Variants in TEX2 observed in about 807,000 individuals in gnomAD.
TEX2 encodes testis expressed 2.
TEX2 carries 53 observed loss-of-function variants against 106.9 expected under a neutral mutation model. The ratio of observed to expected loss-of-function variants is 0.50; its 90% CI spans 0.40 to 0.62. The LOEUF (loss-of-function observed/expected upper bound fraction) is 0.62. Ranked by LOEUF, TEX2 falls within the 20% of genes least tolerant of loss-of-function variation. TEX2 has a pLI of 0.00. For missense variants in TEX2, 1,207 were observed against 1,379.0 expected (o/e 0.88, Z 1.98); for synonymous variants, 523 against 534.8 (o/e 0.98, Z 0.30).
At position 64,154,891 on chromosome 17, in the gene TEX2, C is replaced by T; in HGVS notation, c.2881G>A (p.Ala961Thr). 6.2e-7 allele frequency: 1 copy of T among 1,609,508 alleles called. No homozygotes were observed. Among genetic ancestry groups the T allele is most frequent in the Non-Finnish European group, 8.5e-7 (1 of 1,178,518 alleles). The change falls in exon 9 of 12, where the codon GCC becomes ACC. Residue 961 changes from alanine (A) to threonine (T), a missense_variant. Physicochemically the swap from Ala to Thr is moderately conservative, Grantham distance 58. This residue lies in a region of TEX2 where 1,067 missense variants were observed against 1,193.6 expected (regional missense o/e 0.89). Transcript: ENST00000584379. ...SSAGSSEEDD[A>T]PEPSGGDKQL... The stretch of plus-strand genomic sequence containing the variant: ...TTGTCTCCCCCGCTGGGCTCTGGGG[C>T]ATCGTCTTCCTCGGAGGAGCCAGCG...
At chr17:64,214,873 TAGGCAGCCATGAAGACATG>T (rs1555632433) in intron 1 of TEX2, among the ~76,000 whole-genome samples, 1 of 152,232 alleles carries the variant, frequency 6.6e-6, no homozygotes, top group African/African-American at 2.4e-5. Context: ...CCAGAGTATT[TAGGCAGCCATGAAGACATG>T]AGGCAGCCAT....
chr17:64,219,557 A>G (rs1315546695), intron 1 of TEX2, among the ~76,000 whole-genome samples: 1 of 118,586 alleles, frequency 8.4e-6, no homozygotes, highest in Non-Finnish European at 1.9e-5. Context: ...TAAAATATCT[A>G]AAGGGAGAAT....
In TEX2 at chr17:64,148,843, G is replaced by A. The variant is rs1234215755; in HGVS notation, c.*126C>T. 8.2e-7 allele frequency: 1 copy of A among 1,217,516 alleles called. No individual in the cohort carries two copies. The highest frequency in any genetic ancestry group is 1.2e-6 in the Non-Finnish European group (1 of 868,350). The allele number at this position is 1,217,516 out of a possible 1,614,324, so 75.4% of individuals were successfully genotyped here. On this transcript the variant is annotated 3_prime_UTR_variant, in exon 12 of 12. Transcript: ENST00000584379. ...GTGGAATGGGCACTGGCAGGCAGAGGGCAGAAGCAGTCCTTTAAGAAACAG... is the reference window on the plus strand; with the variant it reads ...GTGGAATGGGCACTGGCAGGCAGAGAGCAGAAGCAGTCCTTTAAGAAACAG...
At chr17:64,220,889 G>C (rs1171571850) in intron 1 of TEX2, among the ~76,000 whole-genome samples, 1 of 152,094 alleles carries the variant, frequency 6.6e-6, no homozygotes, top group Non-Finnish European at 1.5e-5. Context: ...CTCTTATAAA[G>C]ATACATGCAC....
chr17:64,216,485 G>A (rs988182823), intron 1 of TEX2, among the ~76,000 whole-genome samples: 16 of 152,282 alleles, frequency 1.1e-4, no homozygotes, highest in African/African-American at 3.8e-4. Flanking sequence ...GAAGGTAACT[G>A]TGGGCACAAG....
rs781859721 is a variant in TEX2 at position 64,239,904 on chromosome 17, A to AAAAAAAAAAAAAAAAAAAAAAAAAAAAAG, written c.-26+23263_-26+23264insCTTTTTTTTTTTTTTTTTTTTTTTTTTTT. Among the ~76,000 whole-genome samples, 2 of 118,790 alleles carry AAAAAAAAAAAAAAAAAAAAAAAAAAAAAG rather than the reference A, an allele frequency of 1.7e-5. 1 individual carries two copies. The highest frequency in any genetic ancestry group is 1.7e-4 in the Admixed American group (2 of 11,746). 77.9% of individuals were successfully genotyped at this position (118,790 alleles called of 152,430 possible). On this transcript the variant is annotated intron_variant, in intron 1 of 11. Coordinates refer to ENST00000584379, the MANE Select transcript of TEX2 (RefSeq NM_001288732.2). ...AAAAAAAAAAAAAAAAAAAAAAAAA[A>AAAAAAAAAAAAAAAAAAAAAAAAAAAAAG]GCAGAGAAGATAAGAGAAGAGAAAT...
chr17:64,187,706 C>T (rs150437387), intron 5 of TEX2, among the ~76,000 whole-genome samples: 1 of 152,210 alleles, frequency 6.6e-6, no homozygotes, highest in African/African-American at 2.4e-5. Flanking sequence ...CTCGAATATT[C>T]CAAGCACATG....
At chr17:64,181,202 G>A (rs2031839751) in intron 5 of TEX2, among the ~76,000 whole-genome samples, 1 of 152,112 alleles carries the variant, frequency 6.6e-6, no homozygotes, top group Non-Finnish European at 1.5e-5. Context: ...ATTAGGCCGG[G>A]CGTGGTGGTT....
At position 64,195,275 on chromosome 17, in the gene TEX2, T is replaced by A. The variant is rs1001197712; in HGVS notation, c.1645-180A>T. On this transcript the variant is annotated intron_variant, in intron 2 of 11. Coordinates refer to ENST00000584379, the MANE Select transcript of TEX2 (RefSeq NM_001288732.2). The surrounding 1 kb of genome is among the most constrained non-coding windows in gnomAD (Gnocchi z 4.1). ...GCTTAGCTGGGAGGATAACTGGAAC[T>A]GAGGAGGTTTTTGATAACCAAAAAT... Among the ~76,000 whole-genome samples the A allele has an allele frequency of 1.4e-4, 22 of 152,272 alleles. No individual in the cohort carries two copies. The highest frequency in any genetic ancestry group is 5.3e-4 in the African/African-American group (22 of 41,554).
At chr17:64,237,245 C>T (rs1345300338) in intron 1 of TEX2, among the ~76,000 whole-genome samples, 1 of 151,016 alleles carries the variant, frequency 6.6e-6, no homozygotes, top group South Asian at 2.1e-4. Context: ...GAGGCAGGCG[C>T]AGAGCCTCAT....
At chr17:64,238,499 T>C (rs1193247866) in intron 1 of TEX2, among the ~76,000 whole-genome samples, 3 of 152,206 alleles carry the variant, frequency 2.0e-5, no homozygotes, top group African/African-American at 7.2e-5. Context: ...CAAGACTTGG[T>C]AATTTATAAA....
chr17:64,160,832 C>A lies in TEX2; in HGVS notation c.2773G>T (p.Ala925Ser), dbSNP rs1386302726. Residue 925 changes from alanine (A) to serine (S), a missense_variant, in exon 8 of 12, where the codon GCC (alanine) becomes TCC (serine). Physicochemically the swap from Ala to Ser is moderately conservative, Grantham distance 99. Around this residue, in one of 3 missense-constraint regions of TEX2, gnomAD observed 1,067 missense variants for 1,193.6 expected, o/e 0.89. Coordinates refer to ENST00000584379, the MANE Select transcript of TEX2 (RefSeq NM_001288732.2). ...TKLGKEPLVE[A>S]LKVGEIGKEG... The stretch of plus-strand genomic sequence containing the variant: ...TTGCCAATTTCTCCAACCTTCAGGG[C>A]TTCAACAAGAGGCTCTTTACCTAGT... The A allele has an allele frequency of 3.1e-6, 5 of 1,614,094 alleles. No homozygotes were observed. Among genetic ancestry groups the A allele is most frequent in the South Asian group, 2.2e-5 (2 of 91,082 alleles).
chr17:64,179,714 T>A (rs2031771149), intron 5 of TEX2, among the ~76,000 whole-genome samples: 1 of 151,818 alleles, frequency 6.6e-6, no homozygotes, highest in Admixed American at 6.6e-5. Context: ...TTTACAGGAG[T>A]CCTTCACATT....
At chr17:64,199,875 A>C (rs1031177985) in intron 2 of TEX2, among the ~76,000 whole-genome samples, 7 of 152,256 alleles carry the variant, frequency 4.6e-5, no homozygotes. Flanking sequence ...AACTATGAAT[A>C]GAATGGGCAA....
At chr17:64,257,746 C>T (rs894764895) in intron 1 of TEX2, among the ~76,000 whole-genome samples, 1 of 152,140 alleles carries the variant, frequency 6.6e-6, no homozygotes, top group Non-Finnish European at 1.5e-5. Context: ...ATGACGCTGG[C>T]AATTTGGATA....
intron 4 of TEX2, among the ~76,000 whole-genome samples, chr17:64,191,673 C>T (rs1026721793): frequency 6.6e-5 from 10 of 151,978 alleles, no homozygotes; most frequent in South Asian, 2.1e-4. Context: ...AAAAAATTAG[C>T]TGGGCGTGAT....
chr17:64,242,109 C>T (rs1555635834), intron 1 of TEX2, among the ~76,000 whole-genome samples: 1 of 152,188 alleles, frequency 6.6e-6, no homozygotes, highest in African/African-American at 2.4e-5. Flanking sequence ...GCACATAATA[C>T]CTAAGTAACC....
chr17:64,192,275 A>G (rs2032328137), intron 4 of TEX2, among the ~76,000 whole-genome samples: 3 of 152,268 alleles, frequency 2.0e-5, no homozygotes, highest in Admixed American at 6.5e-5. Context: ...TGTAGATGCC[A>G]TTCATTAAAA....
intron 2 of TEX2, among the ~76,000 whole-genome samples, chr17:64,196,197 G>A (rs987712228): frequency 6.6e-6 from 1 of 152,200 alleles, no homozygotes; most frequent in Admixed American, 6.5e-5. Context: ...ATCTATGTGC[G>A]AAGCAATGGG....
Sources: allele counts gnomAD v4.1 joint callset (sites outside exome capture counted in the v4.1 genomes callset), GRCh38; gene constraint gnomAD v4.1.1; regional missense constraint gnomAD v4.1.1; non-coding constraint Gnocchi (gnomAD v3.1); transcripts MANE v1.5; gene names NCBI Gene and HGNC (gene_info 2026-07-23, HGNC 2026-07-21).